NEGR1: variants seen among roughly 807,000 people sequenced by gnomAD.
NEGR1 encodes the protein neuronal growth regulator 1, also known as IgLON family member 4.
NEGR1 carries 10 observed loss-of-function variants against 40.9 expected under a neutral mutation model. The ratio of observed to expected loss-of-function variants is 0.24; its 90% CI spans 0.15 to 0.42. The LOEUF (loss-of-function observed/expected upper bound fraction) is 0.42, where lower values mean the gene tolerates loss of function less well. NEGR1 is among the 10% of genes least tolerant of loss of function. The pLI, the probability that NEGR1 is intolerant of heterozygous loss-of-function variation, is 1.00. For missense variants in NEGR1, 352 were observed against 438.9 expected (o/e 0.80, Z 1.77); for synonymous variants, 185 against 166.8 (o/e 1.11, Z -0.84).
At chr1:71,746,768 ACACG>A (rs1655399914) in intron 3 of NEGR1, among the ~76,000 whole-genome samples, 1 of 147,886 alleles carries the variant, frequency 6.8e-6, no homozygotes, top group Non-Finnish European at 1.5e-5. Context: ...GTACACACAC[ACACG>A]CACACACACA....
intron 2 of NEGR1, among the ~76,000 whole-genome samples, chr1:71,777,547 A>G (rs1326727265): frequency 2.6e-5 from 4 of 152,120 alleles, no homozygotes; most frequent in Non-Finnish European, 5.9e-5. Flanking sequence ...TACAGCACAA[A>G]TATAAATAAA....
intron 5 of NEGR1, among the ~76,000 whole-genome samples, chr1:71,596,286 C>A (rs370063432): frequency 6.6e-6 from 1 of 152,206 alleles, no homozygotes; most frequent in African/African-American, 2.4e-5. Flanking sequence ...CCATAACTCT[C>A]GCTCCTCTTC....
chr1:72,107,507 T>G (rs2100259811), intron 1 of NEGR1, among the ~76,000 whole-genome samples: 1 of 151,844 alleles, frequency 6.6e-6, no homozygotes, highest in African/African-American at 2.4e-5. Flanking sequence ...GGATTTCTAA[T>G]TTCATTTCAA....
At chr1:71,989,150 G>A (rs1342528320) in intron 1 of NEGR1, among the ~76,000 whole-genome samples, 1 of 152,076 alleles carries the variant, frequency 6.6e-6, no homozygotes, top group East Asian at 1.9e-4. Flanking sequence ...AATGAAAAGA[G>A]GTGAAATGCT....
intron 1 of NEGR1, among the ~76,000 whole-genome samples, chr1:72,141,326 T>G (rs1345646430): frequency 6.6e-6 from 1 of 152,014 alleles, no homozygotes; most frequent in African/African-American, 2.4e-5. Flanking sequence ...TTATAAAAAA[T>G]ACAAATGCTA....
intron 2 of NEGR1, among the ~76,000 whole-genome samples, chr1:71,884,069 G>A (rs1280117844): frequency 6.6e-6 from 1 of 151,744 alleles, no homozygotes; most frequent in Admixed American, 6.6e-5. Context: ...GCTTTTCTCA[G>A]ATCAATGAAA....
chr1:71,930,536 T>C (rs572721311), intron 2 of NEGR1, among the ~76,000 whole-genome samples: 75 of 152,292 alleles, frequency 4.9e-4, no homozygotes, highest in African/African-American at 1.7e-3. Flanking sequence ...TATCTTGGTG[T>C]TCTGAATACT....
intron 4 of NEGR1, among the ~76,000 whole-genome samples, chr1:71,688,395 T>A (rs371478615): frequency 2.9e-5 from 1 of 34,676 alleles, no homozygotes; most frequent in African/African-American, 9.7e-5. Flanking sequence ...ATATATAAAA[T>A]ATATATATAA....
At chr1:72,271,119 C>T (rs1307786914) in intron 1 of NEGR1, among the ~76,000 whole-genome samples, 9 of 151,728 alleles carry the variant, frequency 5.9e-5, no homozygotes, top group Non-Finnish European at 2.9e-5. Flanking sequence ...TTCTGGATGC[C>T]TCAAAGCATG....
At chr1:71,577,421 A>G (rs905641684) in intron 6 of NEGR1, among the ~76,000 whole-genome samples, 18 of 152,086 alleles carry the variant, frequency 1.2e-4, no homozygotes, top group Non-Finnish European at 1.9e-4. Context: ...GCTGTCAACA[A>G]TGTTGGAGGA....
At chr1:71,687,110 A>G (rs1052668851) in intron 4 of NEGR1, among the ~76,000 whole-genome samples, 1 of 152,228 alleles carries the variant, frequency 6.6e-6, no homozygotes, top group Non-Finnish European at 1.5e-5. Flanking sequence ...AGAAAAATTA[A>G]TATGCATTAG....
chr1:71,800,781 A>T (rs1190744138), intron 2 of NEGR1, among the ~76,000 whole-genome samples: 1 of 152,056 alleles, frequency 6.6e-6, no homozygotes, highest in Non-Finnish European at 1.5e-5. Flanking sequence ...ATTCTCTCCC[A>T]CATCATCCAG....
chr1:71,635,461 ATAG>A lies in NEGR1; in HGVS notation c.668-24318_668-24316del, dbSNP rs201415897. On this transcript the variant is annotated intron_variant, in intron 4 of 6. Coordinates refer to ENST00000357731, the MANE Select transcript of NEGR1 (RefSeq NM_173808.3). ...TAGTAGTATAGAGTACTATAGAGTTATAGTAGTAGAGATGCAAGATGAGAAGGG... is the reference window on the plus strand; with the variant it reads ...TAGTAGTATAGAGTACTATAGAGTTATAGTAGAGATGCAAGATGAGAAGGG... Among the ~76,000 whole-genome samples the A allele has an allele frequency of 7.6e-3, 1,163 of 152,212 alleles. 46 individuals carry two copies. Among genetic ancestry groups the A allele is most frequent in the Admixed American group, 0.062 (943 of 15,286 alleles).
intron 6 of NEGR1, among the ~76,000 whole-genome samples, chr1:71,590,450 C>A (rs974092147): frequency 1.3e-5 from 2 of 151,978 alleles, no homozygotes; most frequent in Non-Finnish European, 2.9e-5. Flanking sequence ...TCTCACTCAT[C>A]TGAGAACTCC....
At chr1:72,182,763 T>G (rs1307834909) in intron 1 of NEGR1, among the ~76,000 whole-genome samples, 1 of 105,132 alleles carries the variant, frequency 9.5e-6, no homozygotes, top group Admixed American at 1.1e-4. Flanking sequence ...TATATGAGTA[T>G]CTGTGTGTGC....
chr1:71,525,702 G>A (rs1163669581), intron 6 of NEGR1, among the ~76,000 whole-genome samples: 1 of 151,628 alleles, frequency 6.6e-6, no homozygotes, highest in Non-Finnish European at 1.5e-5. Context: ...AAGGTATTAA[G>A]TGTTTTGGTA....
intron 1 of NEGR1, among the ~76,000 whole-genome samples, chr1:72,111,022 T>C (rs1356962457): frequency 6.6e-6 from 1 of 151,416 alleles, no homozygotes; most frequent in Non-Finnish European, 1.5e-5. Flanking sequence ...TTTTGTCTTA[T>C]GGAGAAGGAG....
intron 1 of NEGR1, among the ~76,000 whole-genome samples, chr1:72,221,814 G>A (rs535850371): frequency 6.0e-4 from 91 of 152,228 alleles, no homozygotes; most frequent in Non-Finnish European, 1.1e-3. Context: ...TTAGTCTGTG[G>A]TGTTTTTAAA....
At chr1:71,955,454 C>T (rs188666294) in intron 1 of NEGR1, among the ~76,000 whole-genome samples, 55 of 152,212 alleles carry the variant, frequency 3.6e-4, no homozygotes, top group African/African-American at 1.1e-3. Flanking sequence ...TGACAGACTG[C>T]AAACTCCCCG....
Sources: gnomAD v4.1 joint callset for allele counts (sites outside exome capture counted in the v4.1 genomes callset) on GRCh38, gnomAD v4.1.1 for gene constraint, MANE v1.5 for transcripts, NCBI Gene and HGNC (gene_info 2026-07-23, HGNC 2026-07-21) for gene names.